SLC6A11: variants seen among roughly 807,000 people sequenced by gnomAD.
SLC6A11 encodes sodium- and chloride-dependent GABA transporter 3.
In SLC6A11, 25 loss-of-function variants were observed where a neutral mutation model predicts 74.8. The observed-to-expected ratio is 0.33, with a 90% confidence interval of 0.24 to 0.47. The LOEUF (loss-of-function observed/expected upper bound fraction) is 0.47, where lower values mean the gene tolerates loss of function less well. SLC6A11 is among the 20% of genes least tolerant of loss of function. The pLI, the probability that SLC6A11 is intolerant of heterozygous loss-of-function variation, is 1.00. For synonymous variants in SLC6A11, 330 were observed against 330.2 expected (o/e 1.00, Z 0.01); for missense variants, 574 against 837.0 (o/e 0.69, Z 3.88).
chr3:10,919,722 C>G (rs1695510846), intron 8 of SLC6A11, among the ~76,000 whole-genome samples: 1 of 152,232 alleles, frequency 6.6e-6, no homozygotes, highest in Non-Finnish European at 1.5e-5. Flanking sequence ...GATCAAAGCT[C>G]TCAATCGCTG....
chr3:10,827,053 C>T (rs1356853236), intron 4 of SLC6A11, among the ~76,000 whole-genome samples: 1 of 152,182 alleles, frequency 6.6e-6, no homozygotes, highest in Non-Finnish European at 1.5e-5. Flanking sequence ...ACACGCACCC[C>T]TTCATACAGT....
At chr3:10,824,246 C>T (rs771274528) in intron 4 of SLC6A11, 2 of 152,170 alleles carry the variant, frequency 1.3e-5, no homozygotes, top group Non-Finnish European at 2.9e-5. Context: ...GGATCCCTTG[C>T]CCCAGGTATT....
intron 13 of SLC6A11, among the ~76,000 whole-genome samples, chr3:10,936,705 A>T (rs1442256156): frequency 6.6e-6 from 1 of 152,180 alleles, no homozygotes; most frequent in East Asian, 1.9e-4. Flanking sequence ...CAGGCCAAAC[A>T]TGTCCAGAGG....
intron 5 of SLC6A11, among the ~76,000 whole-genome samples, chr3:10,859,129 T>C (rs556029744): frequency 4.6e-5 from 7 of 152,180 alleles, no homozygotes; most frequent in Non-Finnish European, 1.0e-4. Flanking sequence ...AAATGTGGCA[T>C]GTGGAATGAA....
chr3:10,921,274 A>G (rs1695533963), intron 8 of SLC6A11, among the ~76,000 whole-genome samples: 1 of 152,142 alleles, frequency 6.6e-6, no homozygotes, highest in Non-Finnish European at 1.5e-5. Flanking sequence ...TCTTAACTGG[A>G]GTATGTGGTC....
chr3:10,859,082 G>A (rs1694672159), intron 5 of SLC6A11, among the ~76,000 whole-genome samples: 1 of 152,160 alleles, frequency 6.6e-6, no homozygotes, highest in Admixed American at 6.5e-5. Context: ...TAAAGCCAGG[G>A]GATTCTATGA....
At chr3:10,831,679 T>C (rs1002584997) in intron 4 of SLC6A11, among the ~76,000 whole-genome samples, 4 of 152,178 alleles carry the variant, frequency 2.6e-5, no homozygotes, top group Non-Finnish European at 4.4e-5. Context: ...TTAGAAACAA[T>C]TAAAACTAGG....
intron 6 of SLC6A11, among the ~76,000 whole-genome samples, chr3:10,911,403 GT>G (rs1028359657): frequency 6.6e-6 from 1 of 152,214 alleles, no homozygotes; most frequent in Non-Finnish European, 1.5e-5. Flanking sequence ...GTCCACAGCA[GT>G]TTTTATCAAA....
chr3:10,850,383 T>C (rs1192773253), intron 5 of SLC6A11, among the ~76,000 whole-genome samples: 1 of 152,264 alleles, frequency 6.6e-6, no homozygotes, highest in East Asian at 1.9e-4. Context: ...AAGTGTTTAC[T>C]GTGTACCTGC....
At chr3:10,927,375 G>C (rs920055149) in intron 9 of SLC6A11, among the ~76,000 whole-genome samples, 2 of 152,168 alleles carry the variant, frequency 1.3e-5, no homozygotes, top group African/African-American at 4.8e-5. Context: ...AAAAAGTGGC[G>C]GCCACTCTGC....
At chr3:10,845,886 T>G (rs1178236097) in intron 5 of SLC6A11, among the ~76,000 whole-genome samples, 1 of 152,138 alleles carries the variant, frequency 6.6e-6, no homozygotes, top group Non-Finnish European at 1.5e-5. Flanking sequence ...CCACTCACAG[T>G]CTCCCATCCT....
chr3:10,895,915 G>A (rs1005857824), intron 6 of SLC6A11, among the ~76,000 whole-genome samples: 1 of 152,256 alleles, frequency 6.6e-6, no homozygotes, highest in African/African-American at 2.4e-5. Flanking sequence ...GTCTTTGCAT[G>A]TGCAGGTGAT....
chr3:10,830,524 C>A (rs1196319759), intron 4 of SLC6A11, among the ~76,000 whole-genome samples: 1 of 152,112 alleles, frequency 6.6e-6, no homozygotes, highest in Non-Finnish European at 1.5e-5. Flanking sequence ...ACCAAATAAG[C>A]AGAAAATATT....
intron 5 of SLC6A11, among the ~76,000 whole-genome samples, chr3:10,850,673 T>C (rs191157956): frequency 2.0e-5 from 3 of 152,272 alleles, no homozygotes; most frequent in Admixed American, 1.3e-4. Flanking sequence ...AGGCAGTGAT[T>C]GAGAAAGATG....
At chr3:10,822,427 C>T (rs894504247) in intron 3 of SLC6A11, among the ~76,000 whole-genome samples, 1 of 152,184 alleles carries the variant, frequency 6.6e-6, no homozygotes, top group Non-Finnish European at 1.5e-5. Flanking sequence ...GAGTTTATTA[C>T]AGTTCTATCC....
At chr3:10,879,673 G>A (rs184149323) in intron 6 of SLC6A11, among the ~76,000 whole-genome samples, 11 of 152,188 alleles carry the variant, frequency 7.2e-5, no homozygotes, top group African/African-American at 1.7e-4. Context: ...GAATAAAACC[G>A]GGACATAAAC....
At chr3:10,858,763 A>G (rs944266841) in intron 5 of SLC6A11, among the ~76,000 whole-genome samples, 3 of 152,198 alleles carry the variant, frequency 2.0e-5, no homozygotes, top group African/African-American at 7.2e-5. Context: ...TTACGGAGCT[A>G]TGTGCCTTCA....
intron 8 of SLC6A11, among the ~76,000 whole-genome samples, chr3:10,923,920 C>G (rs1174260530): frequency 6.6e-6 from 1 of 152,030 alleles, no homozygotes; most frequent in East Asian, 1.9e-4. Flanking sequence ...GTTTTCTAGC[C>G]AAAAGATGCA....
intron 8 of SLC6A11, among the ~76,000 whole-genome samples, chr3:10,920,914 C>T (rs1695529416): frequency 6.6e-6 from 1 of 152,146 alleles, no homozygotes; most frequent in African/African-American, 2.4e-5. Context: ...AGGAGTCTGC[C>T]AATTGGAGAA....
Sources: gnomAD v4.1 joint callset for allele counts (sites outside exome capture counted in the v4.1 genomes callset) on GRCh38, gnomAD v4.1.1 for gene constraint, MANE v1.5 for transcripts, NCBI Gene and HGNC (gene_info 2026-07-23, HGNC 2026-07-21) for gene names.